The following ADCY3 variants were observed in gnomAD, a reference collection of about 807,000 sequenced individuals.
ADCY3 encodes adenylate cyclase type 3.
A neutral mutation model predicts 119.4 loss-of-function variants in ADCY3; 70 were observed. The ratio of observed to expected loss-of-function variants is 0.59; its 90% CI spans 0.48 to 0.72. The LOEUF is 0.72. ADCY3 is among the 30% of genes least tolerant of loss of function. The pLI, the probability that ADCY3 is intolerant of heterozygous loss-of-function variation, is 0.00. For missense variants in ADCY3, 1,238 were observed against 1,541.6 expected (o/e 0.80, Z 3.30); for synonymous variants, 672 against 621.4 (o/e 1.08, Z -1.21).
chr2:24,902,080 G>GT (rs1678978323), intron 2 of ADCY3, among the ~76,000 whole-genome samples: 5 of 112,356 alleles, frequency 4.5e-5, no homozygotes, highest in South Asian at 3.0e-4. Context: ...GTGTGTATTT[G>GT]GTTTTTTTTT....
At position 24,878,382 on chromosome 2, in the gene ADCY3, C is replaced by T. The variant is rs1423921240; in HGVS notation, c.676-5663G>A. 6.6e-6 allele frequency among the ~76,000 whole-genome samples: 1 copy of T among 152,074 alleles called. No homozygotes were observed. Among genetic ancestry groups the T allele is most frequent in the Non-Finnish European group, 1.5e-5 (1 of 68,012 alleles). The stretch of plus-strand genomic sequence containing the variant: ...CTAAGTGGGACTGTCGAGTGGAAGT[C>T]ACCCCACTGGAGGCGGTTTGGTGGC... On this transcript the variant is annotated intron_variant, in intron 2 of 21. Coordinates refer to ENST00000679454, the MANE Select transcript of ADCY3 (RefSeq NM_004036.5). The surrounding 1 kb of genome is among the most constrained non-coding windows in gnomAD (Gnocchi z 4.0).
chr2:24,847,058 A>G lies in ADCY3; in HGVS notation c.826-4674T>C, dbSNP rs571597924. Among the ~76,000 whole-genome samples, 9 of 152,234 alleles carry G rather than the reference A, an allele frequency of 5.9e-5. No homozygotes were observed. The East Asian group carries it at 1.4e-3, about 23-fold the overall frequency. ...TTGGAGGGGCCAGGAGTGGAATGAT[A>G]TGGTTTGGCTGTGTCCCCACCCAAA... On this transcript the variant is annotated intron_variant, in intron 3 of 21. Coordinates refer to ENST00000679454, the MANE Select transcript of ADCY3 (RefSeq NM_004036.5).
chr2:24,903,047 T>C (rs910924782), intron 2 of ADCY3, among the ~76,000 whole-genome samples: 1 of 150,312 alleles, frequency 6.7e-6, no homozygotes, highest in Non-Finnish European at 1.5e-5. Context: ...CTCAGGAGGC[T>C]GAGGCAGGAG....
intron 2 of ADCY3, among the ~76,000 whole-genome samples, chr2:24,909,842 C>T (rs1663358002): frequency 6.6e-6 from 1 of 152,184 alleles, no homozygotes; most frequent in Admixed American, 6.5e-5. Context: ...ACACGCTACT[C>T]AAACATCAAA....
chr2:24,837,628 T>C (rs1012255616), intron 8 of ADCY3, among the ~76,000 whole-genome samples: 32 of 152,314 alleles, frequency 2.1e-4, no homozygotes, highest in African/African-American at 7.5e-4. Context: ...TCTTGTTAGA[T>C]GGACTCTCAT....
At chr2:24,832,142 G>A (rs538882406) in intron 11 of ADCY3, 4 of 218,330 alleles carry the variant, frequency 1.8e-5, no homozygotes, top group East Asian at 1.2e-4. Context: ...AGCTCCACGC[G>A]GTGCCAGGGA....
At chr2:24,897,629 C>A (rs1272029044) in intron 2 of ADCY3, among the ~76,000 whole-genome samples, 1 of 152,176 alleles carries the variant, frequency 6.6e-6, no homozygotes, top group Non-Finnish European at 1.5e-5. Context: ...CTGTTCTCTT[C>A]CTCCACCTTC....
At chr2:24,825,749 G>A in intron 16 of ADCY3, 2 of 423,956 alleles carry the variant, frequency 4.7e-6, no homozygotes, top group South Asian at 2.7e-5. Context: ...TGGCCTAGGG[G>A]ATATTGATTT....
chr2:24,847,534 G>A (rs1671791688), intron 3 of ADCY3, among the ~76,000 whole-genome samples: 1 of 152,146 alleles, frequency 6.6e-6, no homozygotes, highest in Admixed American at 6.5e-5. Context: ...CTGGGAAGTG[G>A]CATCCAGTTC....
Position 24,918,584 on chromosome 2 carries a change from G to A in ADCY3, c.404C>T (p.Thr135Ile). The A allele has an allele frequency of 1.2e-6, 2 of 1,614,182 alleles. No homozygotes were observed. Residue 135 changes from threonine to isoleucine, a missense_variant, in exon 2 of 22, where the codon ACC becomes ATC. Physicochemically the swap from Thr to Ile is moderately conservative, Grantham distance 89 (BLOSUM62 -1). Coordinates refer to ENST00000679454, the MANE Select transcript of ADCY3 (RefSeq NM_004036.5). This position sits in a 1 kb window ranked among gnomAD's most constrained non-coding sequence, Gnocchi z 5.4. Reference sequence around the variant, plus strand: ...CAGCACGTAGGGCAGCACTCTGCGGGTGACCCGGTCCGGGAGCAGCCCCTT... The same window carrying A: ...CAGCACGTAGGGCAGCACTCTGCGGATGACCCGGTCCGGGAGCAGCCCCTT... ...CKKGLLPDRVTRRVLPYVLWL... is the reference protein window; with the variant it reads ...CKKGLLPDRVIRRVLPYVLWL...
rs370182830 is a variant in ADCY3 at position 24,915,422 on chromosome 2, AT to A, written c.675+2890del. ...GCCCCCGATCCTTGATGGGGCCCACATCCCAGGAGGCAACGGCAGCAGGGGA... is the reference window on the plus strand; with the variant it reads ...GCCCCCGATCCTTGATGGGGCCCACACCCAGGAGGCAACGGCAGCAGGGGA... On this transcript the variant is annotated intron_variant, in intron 2 of 21. Coordinates refer to ENST00000679454, the MANE Select transcript of ADCY3 (RefSeq NM_004036.5). Among the ~76,000 whole-genome samples, 1,086 of 152,240 alleles carry A rather than the reference AT, an allele frequency of 7.1e-3. 9 individuals are homozygous for A. Among genetic ancestry groups the A allele is most frequent in the African/African-American group, 0.025 (1,029 of 41,552 alleles).
At chr2:24,845,119 T>C (rs905162825) in intron 3 of ADCY3, among the ~76,000 whole-genome samples, 2 of 152,254 alleles carry the variant, frequency 1.3e-5, no homozygotes, top group African/African-American at 4.8e-5. Context: ...CCTCTTTTTC[T>C]TCCCAGTCTC....
chr2:24,828,499 A>G (rs1040992098), intron 13 of ADCY3, among the ~76,000 whole-genome samples: 3 of 152,118 alleles, frequency 2.0e-5, no homozygotes, highest in Non-Finnish European at 2.9e-5. Context: ...TTCAAATCCA[A>G]CATGTTCTTC....
At position 24,841,491 on chromosome 2, in the gene ADCY3, T is replaced by C. The variant is rs1391756310; in HGVS notation, c.1068+65A>G. 3.1e-6 allele frequency: 5 copies of C among 1,588,856 alleles called. No individual in the cohort carries two copies. In the East Asian group the frequency reaches 9.0e-5, roughly 29 times the overall value. On this transcript the variant is annotated intron_variant, in intron 5 of 21. Coordinates refer to ENST00000679454, the MANE Select transcript of ADCY3 (RefSeq NM_004036.5). This position sits in a 1 kb window ranked among gnomAD's most constrained non-coding sequence, Gnocchi z 5.8. Reference sequence around the variant, plus strand: ...TGGGAGAAAATCATGGGGCCGGGGATGGGGGCCAGGCAGAGGCCATGAGGG... The same window carrying C: ...TGGGAGAAAATCATGGGGCCGGGGACGGGGGCCAGGCAGAGGCCATGAGGG...
At chr2:24,889,942 A>G (rs977758525) in intron 2 of ADCY3, among the ~76,000 whole-genome samples, 1 of 152,262 alleles carries the variant, frequency 6.6e-6, no homozygotes, top group African/African-American at 2.4e-5. Flanking sequence ...GACTTTCTCT[A>G]TTAAATATGA....
chr2:24,827,656 C>A (rs752159446), intron 14 of ADCY3, 48 bp from the exon 15 acceptor site: 1 of 1,554,160 alleles, frequency 6.4e-7, no homozygotes, highest in South Asian at 1.2e-5. Context: ...GGAACAAGAG[C>A]CTGATGCCCA....
At chr2:24,877,311 G>C (rs752124405) in intron 2 of ADCY3, among the ~76,000 whole-genome samples, 2 of 152,180 alleles carry the variant, frequency 1.3e-5, no homozygotes, top group African/African-American at 4.8e-5. Flanking sequence ...TCAGCCTCTG[G>C]TCAGCAGGCG....
chr2:24,913,394 T>C (rs1664043325), intron 2 of ADCY3, among the ~76,000 whole-genome samples: 2 of 152,258 alleles, frequency 1.3e-5, no homozygotes, highest in East Asian at 1.9e-4. Flanking sequence ...CTCTTGGCAC[T>C]GTTCAGCTAC....
intron 2 of ADCY3, among the ~76,000 whole-genome samples, chr2:24,895,887 T>C (rs1366248068): frequency 1.3e-5 from 2 of 152,244 alleles, no homozygotes; most frequent in African/African-American, 2.4e-5. Context: ...TTTATTGCTC[T>C]AGCTTCAATT....
Sources: gnomAD v4.1 joint callset for allele counts (sites outside exome capture counted in the v4.1 genomes callset) on GRCh38, gnomAD v4.1.1 for gene constraint, Gnocchi (gnomAD v3.1) non-coding constraint, MANE v1.5 for transcripts, NCBI Gene and HGNC (gene_info 2026-07-23, HGNC 2026-07-21) for gene names.